CACNA2D3: variants seen among roughly 807,000 people sequenced by gnomAD.
CACNA2D3 encodes the protein calcium voltage-gated channel auxiliary subunit alpha2delta 3.
CACNA2D3 carries 60 observed loss-of-function variants against 160.6 expected under a neutral mutation model. The observed-to-expected ratio is 0.37, with a 90% CI of 0.30 to 0.46. CACNA2D3 has a LOEUF of 0.46. Among genes scored for constraint, CACNA2D3 ranks in the 20% least tolerant of loss-of-function variants. CACNA2D3 has a pLI of 1.00. For synonymous variants in CACNA2D3, 558 were observed against 492.9 expected, an observed-to-expected ratio of 1.13 and a Z score of -1.75; for missense variants, 1,205 against 1,365.0, an observed-to-expected ratio of 0.88 and a Z score of 1.85.
At chr3:54,569,898 T>C (rs1316856065) in intron 7 of CACNA2D3, 43 bp downstream of exon 7, 6 of 1,612,946 alleles carry the variant, frequency 3.7e-6, no homozygotes, top group East Asian at 2.2e-5. Context: ...CAAAGAGATA[T>C]CTTGAAGAGA....
intron 9 of CACNA2D3, among the ~76,000 whole-genome samples, chr3:54,612,860 G>A (rs1206210031): frequency 6.6e-6 from 1 of 152,158 alleles, no homozygotes; most frequent in Non-Finnish European, 1.5e-5. Context: ...AGACAAGACT[G>A]GACCGCCTTA....
At chr3:54,912,393 G>A (rs1449019994) in intron 27 of CACNA2D3, among the ~76,000 whole-genome samples, 1 of 152,080 alleles carries the variant, frequency 6.6e-6, no homozygotes, top group Non-Finnish European at 1.5e-5. Context: ...CAACCTGTAA[G>A]TCCTACATGA....
chr3:54,973,465 A>G (rs1702319053), intron 29 of CACNA2D3, among the ~76,000 whole-genome samples: 1 of 152,218 alleles, frequency 6.6e-6, no homozygotes, highest in Non-Finnish European at 1.5e-5. Context: ...AAACTTCATG[A>G]TCAAAGTCAG....
chr3:54,634,855 T>C (rs1001878458), intron 10 of CACNA2D3, among the ~76,000 whole-genome samples: 175 of 151,416 alleles, frequency 1.2e-3, no homozygotes, highest in African/African-American at 4.0e-3. Context: ...TGTGATTCTT[T>C]AGTTACTTCA....
At chr3:54,491,053 TTCTC>T (rs144237909) in intron 4 of CACNA2D3, among the ~76,000 whole-genome samples, 1 of 151,996 alleles carries the variant, frequency 6.6e-6, no homozygotes, top group Non-Finnish European at 1.5e-5. Context: ...ATATTCTATA[TTCTC>T]TCTCTCTCTC....
intron 4 of CACNA2D3, among the ~76,000 whole-genome samples, chr3:54,410,115 C>T (rs948241781): frequency 4.6e-5 from 7 of 151,930 alleles, no homozygotes; most frequent in South Asian, 4.2e-4. Context: ...CTTTGGGAGG[C>T]GAAGGTGGAC....
intron 35 of CACNA2D3, among the ~76,000 whole-genome samples, chr3:55,023,072 AT>A (rs1190116144): frequency 6.6e-6 from 1 of 152,114 alleles, no homozygotes; most frequent in Non-Finnish European, 1.5e-5. Flanking sequence ...ATAAATTCTC[AT>A]TCTTTGTCTA....
chr3:54,853,739 G>A lies in CACNA2D3; in HGVS notation c.1626+7272G>A, dbSNP rs567831114. The stretch of plus-strand genomic sequence containing the variant: ...GAAGGGTGCCCTGAGATGCAGAAGG[G>A]CTTCCCAGAGGAGGTGGGGGAGGAC... On this transcript the variant is annotated intron_variant, in intron 17 of 37. Coordinates refer to ENST00000474759, the MANE Select transcript of CACNA2D3 (RefSeq NM_018398.3). 3.7e-4 allele frequency among the ~76,000 whole-genome samples: 57 copies of A among 152,250 alleles called. 1 individual carries two copies. The highest frequency in any genetic ancestry group is 1.3e-3 in the African/African-American group (55 of 41,528).
chr3:54,279,171 G>C (rs1284877813), intron 2 of CACNA2D3, among the ~76,000 whole-genome samples: 2 of 152,174 alleles, frequency 1.3e-5, no homozygotes, highest in African/African-American at 4.8e-5. Context: ...GTGTCTCTTT[G>C]ATGACTCATT....
At chr3:54,148,151 A>G (rs986472229) in intron 2 of CACNA2D3, among the ~76,000 whole-genome samples, 3 of 152,226 alleles carry the variant, frequency 2.0e-5, no homozygotes, top group African/African-American at 7.2e-5. Flanking sequence ...ATGCTCCTTG[A>G]CATGCCCACG....
At chr3:55,051,971 C>T (rs145775783) in intron 35 of CACNA2D3, among the ~76,000 whole-genome samples, 50 of 152,274 alleles carry the variant, frequency 3.3e-4, no homozygotes, top group African/African-American at 9.6e-4. Flanking sequence ...GCCTCGTGCA[C>T]GGTGCACACA....
At chr3:55,063,107 T>C (rs2107223150) in intron 35 of CACNA2D3, among the ~76,000 whole-genome samples, 1 of 152,278 alleles carries the variant, frequency 6.6e-6, no homozygotes, top group East Asian at 1.9e-4. Context: ...GAAAGTGACA[T>C]TTAATAAGTC....
chr3:54,134,138 C>T (rs989289462), intron 2 of CACNA2D3, among the ~76,000 whole-genome samples: 2 of 152,148 alleles, frequency 1.3e-5, no homozygotes, highest in Admixed American at 1.3e-4. Context: ...CGACAGCTAG[C>T]TTGAAAGCCA....
Position 55,074,145 on chromosome 3 carries a change from G to A in CACNA2D3, c.3215G>A (p.Ser1072Asn). The change falls in exon 38 of 38, where the codon AGT becomes AAT. Residue 1072 changes from serine to asparagine, a missense_variant. Ser to Asn is a conservative substitution (Grantham distance 46). This residue lies in a region of CACNA2D3 where 911 missense variants were observed against 1,002.2 expected (regional missense o/e 0.91). Coordinates refer to ENST00000474759, the MANE Select transcript of CACNA2D3 (RefSeq NM_018398.3). ...GCAAGGGAGTGTGGGGGTGCGCCGA[G>A]TCTCCAAGCCCAGACAGTCCTCCTT... is the stretch of plus-strand genomic sequence containing the variant. ...ENARECGGAP[S>N]LQAQTVLLLL... is the part of the protein sequence containing the mutation. 1 of 1,613,960 alleles carries A rather than the reference G, an allele frequency of 6.2e-7. No homozygotes were observed. Among genetic ancestry groups the A allele is most frequent in the Non-Finnish European group, 8.5e-7 (1 of 1,179,864 alleles).
At chr3:54,469,320 A>G (rs943679838) in intron 4 of CACNA2D3, among the ~76,000 whole-genome samples, 1 of 152,194 alleles carries the variant, frequency 6.6e-6, no homozygotes, top group Admixed American at 6.5e-5. Context: ...ACTCCAGCAG[A>G]CCTTTTGCAG....
chr3:54,497,541 C>A (rs1355843828), intron 4 of CACNA2D3, among the ~76,000 whole-genome samples: 1 of 151,896 alleles, frequency 6.6e-6, no homozygotes. Context: ...TAGACAAAAT[C>A]TATGTAGAAA....
intron 31 of CACNA2D3, among the ~76,000 whole-genome samples, chr3:55,004,257 C>G (rs945954200): frequency 6.6e-6 from 1 of 152,178 alleles, no homozygotes; most frequent in Non-Finnish European, 1.5e-5. Context: ...AGTAAGCCAG[C>G]TGGTTTCCTA....
At chr3:54,704,397 TGGG>T (rs1700819955) in intron 11 of CACNA2D3, among the ~76,000 whole-genome samples, 1 of 152,168 alleles carries the variant, frequency 6.6e-6, no homozygotes, top group Admixed American at 6.6e-5. Flanking sequence ...AACCTTCTAT[TGGG>T]GGGACACTGG....
intron 11 of CACNA2D3, among the ~76,000 whole-genome samples, chr3:54,736,294 G>T (rs1423151712): frequency 6.6e-6 from 1 of 151,234 alleles, no homozygotes; most frequent in African/African-American, 2.4e-5. Flanking sequence ...GAAAGTTCAT[G>T]ATTAAATGTA....
Sources: allele counts gnomAD v4.1 joint callset (sites outside exome capture counted in the v4.1 genomes callset), GRCh38; gene constraint gnomAD v4.1.1; regional missense constraint gnomAD v4.1.1; transcripts MANE v1.5; gene names NCBI Gene and HGNC (gene_info 2026-07-23, HGNC 2026-07-21).